Variants in GTF2E2 observed in about 807,000 individuals in gnomAD.
The protein encoded by GTF2E2 is transcription initiation factor IIE subunit beta.
In GTF2E2, 21 loss-of-function variants were observed where a neutral mutation model predicts 40.5. The observed-to-expected ratio is 0.52, with a 90% CI of 0.37 to 0.75. GTF2E2 has a LOEUF of 0.75. GTF2E2 is among the 30% of genes least tolerant of loss of function. GTF2E2 has a pLI of 0.00. For missense variants in GTF2E2, 298 were observed against 338.4 expected (o/e 0.88, Z 0.94); for synonymous variants, 117 against 121.6 (o/e 0.96, Z 0.25).
intron 6 of GTF2E2, among the ~76,000 whole-genome samples, chr8:30,583,798 TTTTA>T (rs767255498): frequency 9.3e-5 from 14 of 150,890 alleles, no homozygotes; most frequent in East Asian, 5.8e-4. Context: ...TATTTATTTA[TTTTA>T]TTTATTTATT....
In GTF2E2 at chr8:30,601,016, C is replaced by A. The variant is rs1290939864; in HGVS notation, c.643+6041G>T. ...ACGTGTCCGTTTTCAATGGGTCTTCCCTGGAAACACACATTCCTTATATCA... is the reference window on the plus strand; with the variant it reads ...ACGTGTCCGTTTTCAATGGGTCTTCACTGGAAACACACATTCCTTATATCA... On this transcript the variant is annotated intron_variant, in intron 6 of 7. Coordinates refer to ENST00000355904, the MANE Select transcript of GTF2E2 (RefSeq NM_002095.6). 3.3e-5 allele frequency among the ~76,000 whole-genome samples: 5 copies of A among 152,144 alleles called. No individual in the cohort carries two copies. The East Asian group carries it at 9.6e-4, about 29-fold the overall frequency.
intron 4 of GTF2E2, among the ~76,000 whole-genome samples, chr8:30,612,921 C>CT (rs1829521603): frequency 1.3e-5 from 2 of 152,198 alleles, no homozygotes; most frequent in Admixed American, 1.3e-4. Context: ...TTAAAAGTAC[C>CT]TTATGAATAC....
intron 2 of GTF2E2, chr8:30,645,192 T>A (rs1023255950): frequency 1.7e-6 from 2 of 1,152,534 alleles, no homozygotes; most frequent in Admixed American, 2.9e-5. Flanking sequence ...ATGTTGCCTA[T>A]ACAAATTTAC....
intron 5 of GTF2E2, among the ~76,000 whole-genome samples, chr8:30,608,283 G>A (rs1464799619): frequency 2.0e-5 from 3 of 152,148 alleles, no homozygotes; most frequent in Non-Finnish European, 4.4e-5. Flanking sequence ...CGAACAAAAT[G>A]CTTCTCAATA....
At chr8:30,593,380 T>C (rs1180217608) in intron 6 of GTF2E2, among the ~76,000 whole-genome samples, 1 of 152,238 alleles carries the variant, frequency 6.6e-6, no homozygotes, top group Non-Finnish European at 1.5e-5. Flanking sequence ...TATGTATTTC[T>C]CCTTTTAGTT....
At position 30,653,394 on chromosome 8, in the gene GTF2E2, C is replaced by T. The variant is rs371031821; in HGVS notation, c.166+39G>A. The T allele has an allele frequency of 8.5e-6, 13 of 1,526,870 alleles. No homozygotes were observed. The Admixed American group carries it at 1.8e-4, about 21-fold the overall frequency. The allele number at this position is 1,526,870 out of a possible 1,614,324, so 94.6% of individuals were successfully genotyped here. On this transcript the variant is annotated intron_variant, in intron 2 of 7. Transcript: ENST00000355904. ...ACTAAACGGTTTCCTCCTGAATAATCTGAATAAAAACCAAACAGTCCTAAA... is the reference window on the plus strand; with the variant it reads ...ACTAAACGGTTTCCTCCTGAATAATTTGAATAAAAACCAAACAGTCCTAAA...
chr8:30,634,505 A>C (rs1801525953), intron 3 of GTF2E2, among the ~76,000 whole-genome samples: 1 of 152,174 alleles, frequency 6.6e-6, no homozygotes, highest in Non-Finnish European at 1.5e-5. Flanking sequence ...TATATGATCA[A>C]AACTTTGTAT....
intron 3 of GTF2E2, among the ~76,000 whole-genome samples, chr8:30,615,457 G>C (rs980290076): frequency 4.6e-5 from 7 of 152,142 alleles, no homozygotes; most frequent in African/African-American, 1.7e-4. Flanking sequence ...CTGTAGCATT[G>C]TTCATAAAAG....
At chr8:30,590,195 C>G (rs1372480889) in intron 6 of GTF2E2, among the ~76,000 whole-genome samples, 1 of 152,148 alleles carries the variant, frequency 6.6e-6, no homozygotes, top group Non-Finnish European at 1.5e-5. Flanking sequence ...ACAGCATGTC[C>G]CTTTCGAATC....
chr8:30,653,969 GT>G (rs1386985511), intron 1 of GTF2E2, among the ~76,000 whole-genome samples: 1 of 151,816 alleles, frequency 6.6e-6, no homozygotes, highest in African/African-American at 2.4e-5. Context: ...TGTGCTTACA[GT>G]CCCAGCTACT....
intron 2 of GTF2E2, among the ~76,000 whole-genome samples, chr8:30,650,710 T>A (rs9721100): frequency 0.71 from 106,232 of 150,576 alleles, 37,724 homozygotes; most frequent in Middle Eastern, 0.79. Context: ...AGTAAGACGC[T>A]GTCTCGAAAG....
chr8:30,599,600 C>A (rs1281078327), intron 6 of GTF2E2, among the ~76,000 whole-genome samples: 1 of 147,368 alleles, frequency 6.8e-6, no homozygotes, highest in African/African-American at 2.5e-5. Context: ...AAAAAAACTT[C>A]CCATCTGTGG....
intron 6 of GTF2E2, among the ~76,000 whole-genome samples, chr8:30,590,742 G>A (rs1369987883): frequency 2.0e-5 from 3 of 151,716 alleles, no homozygotes; most frequent in African/African-American, 7.3e-5. Context: ...CCAGGCTGGA[G>A]TGCAGTGGCG....
chr8:30,627,654 C>G (rs1028826604), intron 3 of GTF2E2, among the ~76,000 whole-genome samples: 1 of 151,970 alleles, frequency 6.6e-6, no homozygotes, highest in African/African-American at 2.4e-5. Flanking sequence ...ACAGCAAGAC[C>G]TCATCACTAT....
chr8:30,601,127 C>G (rs1383902319), intron 6 of GTF2E2, among the ~76,000 whole-genome samples: 1 of 152,144 alleles, frequency 6.6e-6, no homozygotes, highest in African/African-American at 2.4e-5. Flanking sequence ...GTACCTTACC[C>G]AAGGTTCCTG....
intron 3 of GTF2E2, among the ~76,000 whole-genome samples, chr8:30,625,177 G>A (rs1008009506): frequency 3.0e-4 from 45 of 151,972 alleles, no homozygotes; most frequent in African/African-American, 9.7e-4. Flanking sequence ...TTTTAGATAC[G>A]TCCCATCAAT....
rs186558264 is a variant in GTF2E2 at position 30,600,872 on chromosome 8, G to A, written c.643+6185C>T. Among the ~76,000 whole-genome samples the A allele has an allele frequency of 8.5e-5, 13 of 152,306 alleles. No individual in the cohort carries two copies. The East Asian group carries it at 2.5e-3, about 29-fold the overall frequency. On this transcript the variant is annotated intron_variant, in intron 6 of 7. Transcript: ENST00000355904. The stretch of plus-strand genomic sequence containing the variant: ...TTCTATTACAGACAGAACCCTCTGT[G>A]TGCCTGAAGTGTGCGCACTCAGAGT...
Position 30,655,537 on chromosome 8 carries a change from GAAC to G in GTF2E2, c.-4-1938_-4-1936del, listed in dbSNP as rs150820123. ...ATATTTGTTAAATGAACAACACATG[GAAC>G]ATCATCTTTAAATTGCTCTGGTCCC... On this transcript the variant is annotated intron_variant, in intron 1 of 7. Transcript: ENST00000355904. 1.4e-3 allele frequency among the ~76,000 whole-genome samples: 206 copies of G among 152,292 alleles called. 1 individual carries two copies. The highest frequency in any genetic ancestry group is 4.8e-3 in the African/African-American group (198 of 41,558).
intron 2 of GTF2E2, among the ~76,000 whole-genome samples, chr8:30,639,182 C>T (rs1022754748): frequency 1.1e-4 from 17 of 151,990 alleles, no homozygotes; most frequent in Admixed American, 1.1e-3. Flanking sequence ...CAGAGAATGC[C>T]AAGAAATTAT....
Sources: allele counts gnomAD v4.1 joint callset (sites outside exome capture counted in the v4.1 genomes callset), GRCh38; gene constraint gnomAD v4.1.1; transcripts MANE v1.5; gene names NCBI Gene and HGNC (gene_info 2026-07-23, HGNC 2026-07-21).